The following ARSB variants were observed in gnomAD, a reference collection of about 807,000 sequenced individuals.
ARSB encodes arylsulfatase B.
Under a neutral mutation model 50.9 loss-of-function variants are expected in ARSB, and 41 were observed. The observed-to-expected ratio is 0.81, with a 90% CI of 0.63 to 1.04. The LOEUF (loss-of-function observed/expected upper bound fraction) is 1.04. Ranked by LOEUF, ARSB falls within the 50% of genes least tolerant of loss-of-function variation. The pLI, the probability that ARSB is intolerant of heterozygous loss-of-function variation, is 0.00. For synonymous variants in ARSB, 269 were observed against 284.8 expected, an observed-to-expected ratio of 0.94 and a Z score of 0.56; for missense variants, 672 against 693.3, an observed-to-expected ratio of 0.97 and a Z score of 0.35.
chr5:78,879,051 G>T (rs185341365), intron 5 of ARSB, among the ~76,000 whole-genome samples: 254 of 152,048 alleles, frequency 1.7e-3, no homozygotes, highest in African/African-American at 5.9e-3. Flanking sequence ...ACAGGGTTTC[G>T]CTATGTTGCC....
chr5:78,984,803 G>A (rs1753078492), intron 1 of ARSB, 134 bp downstream of exon 1: 5 of 656,904 alleles, frequency 7.6e-6, no homozygotes, highest in Non-Finnish European at 1.0e-5. Context: ...GCGAGAAGCC[G>A]CCGGGACCCA....
intron 6 of ARSB, among the ~76,000 whole-genome samples, chr5:78,806,960 A>G (rs1312155641): frequency 6.6e-6 from 1 of 152,180 alleles, no homozygotes; most frequent in Non-Finnish European, 1.5e-5. Context: ...GTCACCTCCG[A>G]TTAGCTACTC....
At chr5:78,871,981 C>T (rs1442984270) in intron 5 of ARSB, among the ~76,000 whole-genome samples, 1 of 151,772 alleles carries the variant, frequency 6.6e-6, no homozygotes, top group Non-Finnish European at 1.5e-5. Flanking sequence ...AAAAAACAAA[C>T]AACCCCATCA....
At chr5:78,943,674 T>C (rs576759090) in intron 4 of ARSB, among the ~76,000 whole-genome samples, 1 of 152,348 alleles carries the variant, frequency 6.6e-6, no homozygotes, top group Admixed American at 6.5e-5. Flanking sequence ...CTTCCCTTTG[T>C]GGGTAACCTG....
chr5:78,820,531 AGCCTGG>A (rs1167885553), intron 6 of ARSB, among the ~76,000 whole-genome samples: 2 of 152,114 alleles, frequency 1.3e-5, no homozygotes, highest in Non-Finnish European at 2.9e-5. Context: ...ACTGCACTCC[AGCCTGG>A]GCAACAGAGC....
In ARSB at chr5:78,810,967, T is replaced by C. The variant is rs184289085; in HGVS notation, c.1213+28389A>G. 3.6e-3 allele frequency among the ~76,000 whole-genome samples: 556 copies of C among 152,336 alleles called. 4 individuals are homozygous for C. Among genetic ancestry groups the C allele is most frequent in the African/African-American group, 0.013 (535 of 41,568 alleles). On this transcript the variant is annotated intron_variant, in intron 6 of 7. Transcript: ENST00000264914. ...AATACAAGAAAAGTTAGGTAAAGTT[T>C]CTATAGAAAATTCAGATCCTACAAT...
chr5:78,955,836 AC>A (rs1182027756), intron 3 of ARSB, among the ~76,000 whole-genome samples: 1 of 152,250 alleles, frequency 6.6e-6, no homozygotes, highest in Non-Finnish European at 1.5e-5. Flanking sequence ...CAATGAGGTA[AC>A]ACTTCACATC....
chr5:78,898,663 G>T (rs1249541072), intron 4 of ARSB, among the ~76,000 whole-genome samples: 1 of 152,174 alleles, frequency 6.6e-6, no homozygotes, highest in Non-Finnish European at 1.5e-5. Context: ...GTACAAGTCT[G>T]ATGCAGGTCT....
intron 4 of ARSB, among the ~76,000 whole-genome samples, chr5:78,890,743 G>A (rs976722844): frequency 1.3e-5 from 2 of 152,074 alleles, no homozygotes; most frequent in Non-Finnish European, 2.9e-5. Context: ...ATCAACTCCT[G>A]TCCTCCCCCA....
intron 4 of ARSB, among the ~76,000 whole-genome samples, chr5:78,931,026 A>G (rs1750299679): frequency 6.6e-6 from 1 of 152,240 alleles, no homozygotes; most frequent in Admixed American, 6.5e-5. Flanking sequence ...TAATCTTTGT[A>G]TAACCCCAAA....
intron 5 of ARSB, 26 bp downstream of exon 5, chr5:78,885,558 G>A: frequency 1.2e-6 from 2 of 1,610,536 alleles, no homozygotes; most frequent in Non-Finnish European, 1.7e-6. Flanking sequence ...TCTGTCCTGG[G>A]AGGAAAAAGG....
chr5:78,923,059 T>C (rs962111155), intron 4 of ARSB, among the ~76,000 whole-genome samples: 2 of 152,154 alleles, frequency 1.3e-5, no homozygotes, highest in Non-Finnish European at 2.9e-5. Context: ...GAAGTTTGCA[T>C]GTAGGTAGTT....
intron 5 of ARSB, among the ~76,000 whole-genome samples, chr5:78,844,043 G>T (rs575143296): frequency 2.0e-4 from 30 of 152,124 alleles, no homozygotes; most frequent in Admixed American, 3.9e-4. Flanking sequence ...GTGGGCATTC[G>T]TTTTCATATC....
intron 1 of ARSB, among the ~76,000 whole-genome samples, chr5:78,977,239 C>T (rs1489162401): frequency 6.6e-6 from 1 of 151,386 alleles, no homozygotes; most frequent in Non-Finnish European, 1.5e-5. Flanking sequence ...CTGCAATCTC[C>T]GTCTCCCGGG....
At chr5:78,883,851 G>T (rs1021506470) in intron 5 of ARSB, 1 of 152,054 alleles carries the variant, frequency 6.6e-6, no homozygotes, top group Non-Finnish European at 1.5e-5. Flanking sequence ...AACTTCCTTT[G>T]TAAAAACTAA....
At chr5:78,983,528 T>C (rs1049600056) in intron 1 of ARSB, among the ~76,000 whole-genome samples, 2 of 152,234 alleles carry the variant, frequency 1.3e-5, no homozygotes, top group African/African-American at 4.8e-5. Context: ...TCTTCTTCTT[T>C]ACTGGCACAT....
At chr5:78,866,441 T>C (rs975721602) in intron 5 of ARSB, among the ~76,000 whole-genome samples, 10 of 152,092 alleles carry the variant, frequency 6.6e-5, no homozygotes, top group African/African-American at 1.9e-4. Context: ...AAGATGAGAT[T>C]TGGGTGGGGA....
At chr5:78,886,062 C>T in intron 4 of ARSB, among the ~76,000 whole-genome samples, 1 of 152,074 alleles carries the variant, frequency 6.6e-6, no homozygotes, top group Non-Finnish European at 1.5e-5. Flanking sequence ...TGGAGAGAGC[C>T]ACTGGAAAAC....
intron 4 of ARSB, among the ~76,000 whole-genome samples, chr5:78,946,417 A>G (rs1162754558): frequency 2.0e-5 from 3 of 152,226 alleles, no homozygotes; most frequent in Non-Finnish European, 2.9e-5. Flanking sequence ...CAAAATCAAC[A>G]TACAAAAATC....
Sources: allele counts gnomAD v4.1 joint callset (sites outside exome capture counted in the v4.1 genomes callset), GRCh38; gene constraint gnomAD v4.1.1; transcripts MANE v1.5; gene names NCBI Gene and HGNC (gene_info 2026-07-23, HGNC 2026-07-21).